The following MICAL3 variants were observed in gnomAD, a reference collection of about 807,000 sequenced individuals.
The protein encoded by MICAL3 is [F-actin]-monooxygenase MICAL3.
A neutral mutation model predicts 207.4 loss-of-function variants in MICAL3; 62 were observed. That is an observed-to-expected ratio of 0.30 (90% CI 0.24 to 0.37). The LOEUF (loss-of-function observed/expected upper bound fraction) is 0.37. Ranked by LOEUF, MICAL3 falls within the 10% of genes least tolerant of loss-of-function variation. MICAL3 has a pLI of 1.00. For missense variants in MICAL3, 2,368 were observed against 2,635.6 expected (o/e 0.90, Z 2.22); for synonymous variants, 1,077 against 1,069.3 (o/e 1.01, Z -0.14).
intron 1 of MICAL3, among the ~76,000 whole-genome samples, chr22:17,960,753 G>C (rs1934871497): frequency 6.6e-6 from 1 of 152,120 alleles, no homozygotes; most frequent in African/African-American, 2.4e-5. Context: ...TTTGACCCAG[G>C]GGGGCCCGCA....
At chr22:17,906,458 C>T (rs1931726036) in intron 2 of MICAL3, 91 bp downstream of exon 2, 2 of 1,606,810 alleles carry the variant, frequency 1.2e-6, no homozygotes, top group East Asian at 4.5e-5. Context: ...CCTTGTAGAT[C>T]ATATATGGTG....
chr22:17,807,247 C>T (rs980401911), intron 29 of MICAL3, among the ~76,000 whole-genome samples: 2 of 152,260 alleles, frequency 1.3e-5, no homozygotes, highest in Non-Finnish European at 2.9e-5. Context: ...GCCCCATAGG[C>T]CCGGACGCAG....
chr22:17,849,643 A>AGTGTGTGTGTGT (rs1569093907), intron 19 of MICAL3, among the ~76,000 whole-genome samples: 1 of 120,162 alleles, frequency 8.3e-6, no homozygotes, highest in African/African-American at 3.3e-5. Context: ...CCCAGAATGG[A>AGTGTGTGTGTGT]ATGTGTGTGT....
intron 29 of MICAL3, among the ~76,000 whole-genome samples, chr22:17,795,441 A>C (rs761258704): frequency 2.2e-4 from 34 of 152,186 alleles, no homozygotes; most frequent in Admixed American, 6.5e-5. Flanking sequence ...ACACATCCAA[A>C]AGGAAGAGGC....
In MICAL3 at chr22:17,916,171, T is replaced by C. The variant is rs542125824; in HGVS notation, c.-74-9285A>G. 3.3e-5 allele frequency among the ~76,000 whole-genome samples: 5 copies of C among 152,208 alleles called. No homozygotes were observed. In the South Asian group the frequency reaches 1.0e-3, roughly 32 times the overall value. On this transcript the variant is annotated intron_variant, in intron 1 of 31. Transcript: ENST00000441493. ...CAGTTTCTCCACCTTCTCGGCATTC[T>C]TCCGCAAGTTTCTATCGGTAATCAA...
intron 12 of MICAL3, among the ~76,000 whole-genome samples, chr22:17,890,408 T>G (rs1930303845): frequency 6.6e-6 from 1 of 152,114 alleles, no homozygotes; most frequent in Admixed American, 6.5e-5. Flanking sequence ...CAGAGCTGAC[T>G]CACCTGCCCA....
intron 1 of MICAL3, among the ~76,000 whole-genome samples, chr22:17,931,840 C>T (rs142722876): frequency 6.6e-6 from 1 of 152,324 alleles, no homozygotes; most frequent in Non-Finnish European, 1.5e-5. Flanking sequence ...AGCTGTGTGT[C>T]AGGCAGAGAC....
In MICAL3 at chr22:17,841,589, G is replaced by T; in HGVS notation, c.2801+233C>A. The T allele has an allele frequency of 1.7e-6, 1 of 585,122 alleles. No homozygotes were observed. Among genetic ancestry groups the T allele is most frequent in the Non-Finnish European group, 3.0e-6 (1 of 327,896 alleles). The allele number at this position is 585,122 out of a possible 1,614,324, so 36.2% of individuals were successfully genotyped here. A position where few individuals can be genotyped will look rare whatever the true frequency, so the allele number is the denominator to read the frequency against. Reference sequence around the variant, plus strand: ...ATGACAGACTTGGAGCTGGGGACATGTCAGGTCCTCAAGGAATAAATACTT... The same window carrying T: ...ATGACAGACTTGGAGCTGGGGACATTTCAGGTCCTCAAGGAATAAATACTT... On this transcript the variant is annotated intron_variant, in intron 20 of 31. Coordinates refer to ENST00000441493, the MANE Select transcript of MICAL3 (RefSeq NM_015241.3). This position sits in a 1 kb window ranked among gnomAD's most constrained non-coding sequence, Gnocchi z 4.2.
At chr22:18,023,101 T>C (rs988592881) in intron 1 of MICAL3, among the ~76,000 whole-genome samples, 7 of 152,160 alleles carry the variant, frequency 4.6e-5, no homozygotes, top group African/African-American at 1.7e-4. Context: ...GACTGAACTA[T>C]TACCAAGTTC....
At chr22:18,017,737 C>T (rs1239110861) in intron 1 of MICAL3, among the ~76,000 whole-genome samples, 1 of 149,904 alleles carries the variant, frequency 6.7e-6, no homozygotes, top group African/African-American at 2.4e-5. Flanking sequence ...AGGTACCCGC[C>T]ACCACACCCG....
At chr22:17,834,415 A>C (rs1198052592) in intron 20 of MICAL3, 5 of 1,285,600 alleles carry the variant, frequency 3.9e-6, no homozygotes, top group Non-Finnish European at 5.1e-6. Context: ...AAGGTGACAC[A>C]GAAAAGACTC....
intron 19 of MICAL3, among the ~76,000 whole-genome samples, chr22:17,845,483 A>G (rs949668688): frequency 1.3e-5 from 2 of 152,144 alleles, no homozygotes; most frequent in Non-Finnish European, 2.9e-5. Context: ...AAGTACCATG[A>G]GCCACGTATG....
intron 1 of MICAL3, among the ~76,000 whole-genome samples, chr22:17,908,589 G>A (rs554444452): frequency 3.3e-5 from 5 of 152,310 alleles, no homozygotes; most frequent in South Asian, 2.1e-4. Context: ...TTACAGGTGT[G>A]AGCCTGGCCA....
chr22:17,867,782 T>A (rs1277287732), intron 17 of MICAL3, among the ~76,000 whole-genome samples: 3 of 152,240 alleles, frequency 2.0e-5, no homozygotes, highest in African/African-American at 4.8e-5. Context: ...AGGCTTCAAC[T>A]GTCATCTGCA....
chr22:17,898,705 G>A (rs1338737118), intron 7 of MICAL3, among the ~76,000 whole-genome samples: 1 of 152,174 alleles, frequency 6.6e-6, no homozygotes, highest in Non-Finnish European at 1.5e-5. Context: ...GTGAGACCAG[G>A]AAAGACTTAA....
intron 22 of MICAL3, among the ~76,000 whole-genome samples, chr22:17,825,764 G>A (rs1601980359): frequency 6.6e-6 from 1 of 152,314 alleles, no homozygotes; most frequent in Non-Finnish European, 1.5e-5. Flanking sequence ...GACACTCCAA[G>A]GGCCGAGGCC....
intron 28 of MICAL3, among the ~76,000 whole-genome samples, chr22:17,810,133 G>A (rs2145988225): frequency 6.7e-6 from 1 of 148,514 alleles, no homozygotes; most frequent in East Asian, 2.0e-4. Context: ...CACAATCTCG[G>A]CTCACTGCAA....
chr22:17,997,329 G>A (rs1254646695), intron 1 of MICAL3, among the ~76,000 whole-genome samples: 1 of 152,122 alleles, frequency 6.6e-6, no homozygotes, highest in African/African-American at 2.4e-5. Flanking sequence ...CTCCCAAAGT[G>A]TTGGTATTAC....
intron 17 of MICAL3, among the ~76,000 whole-genome samples, chr22:17,866,899 C>T (rs1316194960): frequency 6.6e-6 from 1 of 152,164 alleles, no homozygotes; most frequent in Admixed American, 6.5e-5. Flanking sequence ...ACTTAAAGAG[C>T]GACTGACGAC....
Sources: allele counts gnomAD v4.1 joint callset (sites outside exome capture counted in the v4.1 genomes callset), GRCh38; gene constraint gnomAD v4.1.1; non-coding constraint Gnocchi (gnomAD v3.1); transcripts MANE v1.5; gene names NCBI Gene and HGNC (gene_info 2026-07-23, HGNC 2026-07-21).